SGMS2: variants seen among roughly 807,000 people sequenced by gnomAD.
SGMS2 encodes sphingomyelin synthase 2.
SGMS2 carries 21 observed loss-of-function variants against 43.8 expected under a neutral mutation model. The ratio of observed to expected loss-of-function variants is 0.48; its 90% CI spans 0.34 to 0.69. The LOEUF (loss-of-function observed/expected upper bound fraction) is 0.69, where lower values mean the gene tolerates loss of function less well. Among genes scored for constraint, SGMS2 ranks in the 30% least tolerant of loss-of-function variants. The pLI is 0.01. For synonymous variants in SGMS2, 167 were observed against 160.6 expected (o/e 1.04, Z -0.30); for missense variants, 384 against 443.2 (o/e 0.87, Z 1.20).
chr4:107,857,304 A>T (rs1727477382), intron 1 of SGMS2, among the ~76,000 whole-genome samples: 3 of 152,080 alleles, frequency 2.0e-5, no homozygotes, highest in Non-Finnish European at 4.4e-5. Flanking sequence ...GCCATTATGA[A>T]TAATGCTGTT....
chr4:107,828,244 A>G (rs948400844), intron 1 of SGMS2, among the ~76,000 whole-genome samples: 3 of 152,188 alleles, frequency 2.0e-5, no homozygotes, highest in African/African-American at 7.2e-5. Flanking sequence ...ACAAACAGCT[A>G]ACGAGTATTG....
chr4:107,898,492 G>A (rs1730857566), intron 3 of SGMS2, among the ~76,000 whole-genome samples: 1 of 147,168 alleles, frequency 6.8e-6, no homozygotes, highest in African/African-American at 2.4e-5. Flanking sequence ...AGTCTTGAAA[G>A]CTTGAGACCT....
chr4:107,883,070 C>T (rs1380162998), intron 2 of SGMS2, among the ~76,000 whole-genome samples: 9 of 152,110 alleles, frequency 5.9e-5, no homozygotes. Context: ...CACCACAAGG[C>T]ACACTTACAA....
At chr4:107,869,647 G>T (rs550229049) in intron 2 of SGMS2, among the ~76,000 whole-genome samples, 99 of 151,890 alleles carry the variant, frequency 6.5e-4, no homozygotes, top group Non-Finnish European at 2.1e-4. Flanking sequence ...ATTTTGTTAG[G>T]TGTAAAAATG....
At chr4:107,886,363 A>C (rs1729752204) in intron 2 of SGMS2, among the ~76,000 whole-genome samples, 1 of 100,860 alleles carries the variant, frequency 9.9e-6, no homozygotes, top group Admixed American at 1.3e-4. Flanking sequence ...ACACCCAGCT[A>C]ATTTTTTTTT....
chr4:107,903,977 A>G (rs1731345244), intron 5 of SGMS2, among the ~76,000 whole-genome samples: 1 of 152,226 alleles, frequency 6.6e-6, no homozygotes, highest in African/African-American at 2.4e-5. Flanking sequence ...GTGGCAAGAA[A>G]TAAAAATCTC....
At chr4:107,855,322 G>T (rs1233430780) in intron 1 of SGMS2, among the ~76,000 whole-genome samples, 1 of 152,006 alleles carries the variant, frequency 6.6e-6, no homozygotes, top group Admixed American at 6.6e-5. Context: ...TTCGATGTAG[G>T]CATATGGTGC....
intron 2 of SGMS2, among the ~76,000 whole-genome samples, chr4:107,885,876 A>G (rs1485848635): frequency 1.3e-5 from 2 of 152,300 alleles, no homozygotes; most frequent in East Asian, 3.9e-4. Flanking sequence ...CACTACAACA[A>G]AGACAAAAAT....
At chr4:107,910,287 A>G in intron 6 of SGMS2, 63 bp from the exon 7 acceptor site, 1 of 1,389,848 alleles carries the variant, frequency 7.2e-7, no homozygotes, top group South Asian at 1.2e-5. Flanking sequence ...CAATTTAAGA[A>G]AATAATTGGG....
intron 2 of SGMS2, chr4:107,866,801 C>T (rs1297167688): frequency 2.6e-5 from 4 of 151,914 alleles, no homozygotes; most frequent in Admixed American, 6.6e-5. Flanking sequence ...TTATTTCTTT[C>T]GTTTTATATG....
chr4:107,859,299 G>T (rs1392402222), intron 2 of SGMS2, among the ~76,000 whole-genome samples: 1 of 151,740 alleles, frequency 6.6e-6, no homozygotes, highest in African/African-American at 2.4e-5. Flanking sequence ...GTTTATTGTG[G>T]TGTTTGCCTA....
chr4:107,893,920 CTT>C (rs769597056), intron 2 of SGMS2, among the ~76,000 whole-genome samples: 22 of 152,260 alleles, frequency 1.4e-4, no homozygotes, highest in Middle Eastern at 6.8e-3. Context: ...AGTCCTGTCT[CTT>C]TGGTTAGACT....
chr4:107,895,394 A>G lies in SGMS2; in HGVS notation c.-160A>G. ...GTACAGCATATAGCTGCATGGAAGAAACAGTAATCGGATGGCTACCTTCTA... is the reference window on the plus strand; with the variant it reads ...GTACAGCATATAGCTGCATGGAAGAGACAGTAATCGGATGGCTACCTTCTA... On this transcript the variant is annotated 5_prime_UTR_variant, in exon 3 of 7. Coordinates refer to ENST00000690982, the MANE Select transcript of SGMS2 (RefSeq NM_001375905.1). 1 of 717,710 alleles carries G rather than the reference A, an allele frequency of 1.4e-6. No individual in the cohort carries two copies. Among genetic ancestry groups the G allele is most frequent in the Non-Finnish European group, 2.3e-6 (1 of 433,540 alleles). The allele number at this position is 717,710 out of a possible 1,614,324, so 44.5% of individuals were successfully genotyped here.
intron 1 of SGMS2, among the ~76,000 whole-genome samples, chr4:107,842,675 T>G (rs1264446567): frequency 6.6e-6 from 1 of 152,182 alleles, no homozygotes; most frequent in African/African-American, 2.4e-5. Context: ...CATGAGTGCC[T>G]CAAAGAATTT....
chr4:107,840,250 G>T (rs1726423678), intron 1 of SGMS2, among the ~76,000 whole-genome samples: 1 of 152,168 alleles, frequency 6.6e-6, no homozygotes, highest in Non-Finnish European at 1.5e-5. Flanking sequence ...AACTTTTCTT[G>T]ATAGAACTCT....
intron 6 of SGMS2, 38 bp from the exon 7 acceptor site, chr4:107,910,312 A>T (rs745448940): frequency 2.0e-6 from 3 of 1,529,684 alleles, no homozygotes; most frequent in Middle Eastern, 1.8e-4. Context: ...AAATTGAGAA[A>T]GATATGTCTC....
At chr4:107,903,428 G>A in intron 5 of SGMS2, 42 bp downstream of exon 5, 6 of 1,600,700 alleles carry the variant, frequency 3.7e-6, no homozygotes, top group Non-Finnish European at 5.1e-6. Context: ...AGCTGTAGTG[G>A]GAGGGATCCC....
At chr4:107,854,612 G>A (rs1167325099) in intron 1 of SGMS2, among the ~76,000 whole-genome samples, 1 of 152,118 alleles carries the variant, frequency 6.6e-6, no homozygotes, top group African/African-American at 2.4e-5. Context: ...TGGAGAATTT[G>A]TTTCAGAGAT....
chr4:107,903,391 G>A lies in SGMS2; in HGVS notation c.727+5G>A. 1 of 1,613,644 alleles carries A rather than the reference G, an allele frequency of 6.2e-7. No individual in the cohort carries two copies. Among genetic ancestry groups the A allele is most frequent in the Non-Finnish European group, 8.5e-7 (1 of 1,179,766 alleles). ...CTTATTTGTTCATCAAAGAATGTAA[G>A]TAATAGCCCATTCCCACTGAACTGA... On this transcript the variant is annotated splice_donor_5th_base_variant and intron_variant, in intron 5 of 6. Coordinates refer to ENST00000690982, the MANE Select transcript of SGMS2 (RefSeq NM_001375905.1).
Sources: allele counts gnomAD v4.1 joint callset (sites outside exome capture counted in the v4.1 genomes callset), GRCh38; gene constraint gnomAD v4.1.1; transcripts MANE v1.5; gene names NCBI Gene and HGNC (gene_info 2026-07-23, HGNC 2026-07-21).